The following DDHD1 variants were observed in gnomAD, a reference collection of about 807,000 sequenced individuals.
DDHD1 encodes the protein phospholipase DDHD1.
A neutral mutation model predicts 96.4 loss-of-function variants in DDHD1; 49 were observed. The ratio of observed to expected loss-of-function variants is 0.51; its 90% CI spans 0.40 to 0.64. The LOEUF (loss-of-function observed/expected upper bound fraction) is 0.64. Ranked by LOEUF, DDHD1 falls within the 30% of genes least tolerant of loss-of-function variation. DDHD1 has a pLI of 0.00. For synonymous variants in DDHD1, 442 were observed against 446.5 expected (o/e 0.99, Z 0.13); for missense variants, 1,106 against 1,161.2 (o/e 0.95, Z 0.69).
intron 4 of DDHD1, 48 bp downstream of exon 4, chr14:53,091,737 A>G (rs1886444429): frequency 6.3e-7 from 1 of 1,584,670 alleles, no homozygotes; most frequent in African/African-American, 1.3e-5. Flanking sequence ...CCTGGATCAA[A>G]GTTTGGATTC....
chr14:53,039,853 TCTAAG>T lies in DDHD1; in HGVS notation c.*6910_*6914del, dbSNP rs1881527227. On this transcript the variant is annotated 3_prime_UTR_variant, in exon 13 of 13. Transcript: ENST00000673822. ...TCTCATAAACAATGCCTCTGAAATGTCTAAGCTGTCAGACTGTCATGACCATGCAC... is the reference window on the plus strand; with the variant it reads ...TCTCATAAACAATGCCTCTGAAATGTCTGTCAGACTGTCATGACCATGCAC... 2 of 152,294 alleles carry T rather than the reference TCTAAG, an allele frequency of 1.3e-5. No individual in the cohort carries two copies. The highest frequency in any genetic ancestry group is 6.5e-5 in the Admixed American group (1 of 15,276). The allele number at this position is 152,294 out of a possible 1,614,324, so 9.4% of individuals were successfully genotyped here. A position where few individuals can be genotyped will look rare whatever the true frequency, so the allele number is the denominator to read the frequency against.
chr14:53,066,107 G>T (rs151291241), intron 6 of DDHD1, among the ~76,000 whole-genome samples: 4 of 152,206 alleles, frequency 2.6e-5, no homozygotes, highest in African/African-American at 9.6e-5. Context: ...TGAGAAATTC[G>T]ATCTAAGATC....
intron 1 of DDHD1, among the ~76,000 whole-genome samples, chr14:53,124,444 G>C (rs190449687): frequency 7.2e-5 from 11 of 152,136 alleles, no homozygotes; most frequent in African/African-American, 2.4e-4. Context: ...TAATTATTTA[G>C]CTTGGCTGCT....
chr14:53,143,949 A>G (rs187234908), intron 1 of DDHD1, among the ~76,000 whole-genome samples: 1 of 152,334 alleles, frequency 6.6e-6, no homozygotes, highest in Non-Finnish European at 1.5e-5. Context: ...CAACCTTTGT[A>G]TGTGGCCTAT....
chr14:53,085,152 AAT>A (rs1397923000), intron 4 of DDHD1, among the ~76,000 whole-genome samples: 3 of 152,326 alleles, frequency 2.0e-5, no homozygotes, highest in Admixed American at 1.3e-4. Flanking sequence ...ACTGCAGCTC[AAT>A]GAGGCCCGCA....
At chr14:53,047,487 A>G (rs1366319911) in intron 12 of DDHD1, among the ~76,000 whole-genome samples, 4 of 152,188 alleles carry the variant, frequency 2.6e-5, no homozygotes, top group African/African-American at 9.6e-5. Context: ...TGAATGTCTC[A>G]CAGGCAACCC....
chr14:53,052,968 T>C (rs1024279558), intron 11 of DDHD1: 1 of 102,638 alleles, frequency 9.7e-6, no homozygotes, highest in Non-Finnish European at 2.1e-5. Flanking sequence ...GAAATTACTA[T>C]GTTAAACAGA....
chr14:53,079,799 G>T (rs1885296618), intron 4 of DDHD1, among the ~76,000 whole-genome samples: 1 of 152,070 alleles, frequency 6.6e-6, no homozygotes, highest in Non-Finnish European at 1.5e-5. Context: ...TCTTACTGAT[G>T]AATATTTGAG....
chr14:53,056,034 AC>A, intron 9 of DDHD1, 122 bp from the exon 10 acceptor site: 1 of 778,210 alleles, frequency 1.3e-6, no homozygotes, highest in Admixed American at 2.9e-5. Context: ...TAATTAAAAA[AC>A]AATAGCTATT....
intron 6 of DDHD1, among the ~76,000 whole-genome samples, chr14:53,066,958 C>CAAAAAA (rs34195210): frequency 1.5e-5 from 2 of 134,436 alleles, no homozygotes; most frequent in Admixed American, 1.5e-4. Flanking sequence ...GAACCTGTCT[C>CAAAAAA]AAAAAAAAAA....
intron 6 of DDHD1, among the ~76,000 whole-genome samples, chr14:53,069,571 A>C (rs1595117703): frequency 6.6e-6 from 1 of 152,338 alleles, no homozygotes; most frequent in Non-Finnish European, 1.5e-5. Flanking sequence ...AAACCAAAAA[A>C]TTTGCATGAC....
At chr14:53,067,149 T>A (rs1023009987) in intron 6 of DDHD1, among the ~76,000 whole-genome samples, 6 of 150,708 alleles carry the variant, frequency 4.0e-5, no homozygotes, top group Non-Finnish European at 8.9e-5. Context: ...GGGAAACTAT[T>A]CCTTTTCTTT....
chr14:53,098,897 T>C (rs534200599), intron 2 of DDHD1, among the ~76,000 whole-genome samples: 1 of 152,090 alleles, frequency 6.6e-6, no homozygotes, highest in Admixed American at 6.6e-5. Context: ...GTGATTTTTA[T>C]AGTCAGGTCT....
At chr14:53,082,442 C>CT (rs35059788) in intron 4 of DDHD1, among the ~76,000 whole-genome samples, 3,394 of 121,870 alleles carry the variant, frequency 0.028, 59 homozygotes, top group Admixed American at 0.059. Context: ...TCCAAGATAC[C>CT]TTTTTTTTTT....
At chr14:53,050,518 C>A (rs762457301) in intron 12 of DDHD1, among the ~76,000 whole-genome samples, 11 of 151,948 alleles carry the variant, frequency 7.2e-5, no homozygotes, top group Non-Finnish European at 1.6e-4. Context: ...CTTTATTGTA[C>A]CTATGTTTTG....
intron 1 of DDHD1, among the ~76,000 whole-genome samples, chr14:53,141,474 T>C (rs1429425477): frequency 6.6e-6 from 1 of 152,220 alleles, no homozygotes; most frequent in East Asian, 1.9e-4. Context: ...CTAGCTCAGA[T>C]CTCTTGTACC....
chr14:53,067,873 T>C (rs761183440), intron 6 of DDHD1, among the ~76,000 whole-genome samples: 30 of 152,246 alleles, frequency 2.0e-4, no homozygotes, highest in Admixed American at 3.9e-4. Flanking sequence ...TGTATTCCAT[T>C]TGCTTTATTC....
At chr14:53,047,182 TAAAG>T (rs2139807328) in intron 12 of DDHD1, among the ~76,000 whole-genome samples, 1 of 151,460 alleles carries the variant, frequency 6.6e-6, no homozygotes, top group East Asian at 1.9e-4. Context: ...TATAAAATAA[TAAAG>T]GAAGACAAAA....
chr14:53,038,029 G>A lies in DDHD1; in HGVS notation c.*8739C>T, dbSNP rs1595064103. ...ATGATAAAACCCCTCAACAGACTAGGTATCAAAGGAACATATCTCAAAATA... is the reference window on the plus strand; with the variant it reads ...ATGATAAAACCCCTCAACAGACTAGATATCAAAGGAACATATCTCAAAATA... On this transcript the variant is annotated 3_prime_UTR_variant, in exon 13 of 13. Coordinates refer to ENST00000673822, the MANE Select transcript of DDHD1 (RefSeq NM_001160148.2). 1 of 151,920 alleles carries A rather than the reference G, an allele frequency of 6.6e-6. No individual in the cohort carries two copies. Among genetic ancestry groups the A allele is most frequent in the East Asian group, 1.9e-4 (1 of 5,184 alleles). The allele number at this position is 151,920 out of a possible 1,614,324, so 9.4% of individuals were successfully genotyped here. A position where few individuals can be genotyped will look rare whatever the true frequency, so the allele number is the denominator to read the frequency against.
Sources: allele counts gnomAD v4.1 joint callset (sites outside exome capture counted in the v4.1 genomes callset), GRCh38; gene constraint gnomAD v4.1.1; transcripts MANE v1.5; gene names NCBI Gene and HGNC (gene_info 2026-07-23, HGNC 2026-07-21).